NDUFAF6: variants seen among roughly 807,000 people sequenced by gnomAD.
The protein encoded by NDUFAF6 is NADH:ubiquinone oxidoreductase complex assembly factor 6, also known as NADH dehydrogenase (ubiquinone) complex I, assembly factor 6.
A neutral mutation model predicts 40.8 loss-of-function variants in NDUFAF6; 45 were observed. That is an observed-to-expected ratio of 1.10 (90% CI 0.87 to 1.42). NDUFAF6 has a LOEUF of 1.42. Among genes scored for constraint, NDUFAF6 ranks in the 40% most tolerant of loss-of-function variants. NDUFAF6 has a pLI of 0.00. For synonymous variants in NDUFAF6, 185 were observed against 155.9 expected, an observed-to-expected ratio of 1.19 and a Z score of -1.39; for missense variants, 435 against 418.5, an observed-to-expected ratio of 1.04 and a Z score of -0.34.
At chr8:94,903,275 C>G (rs1414297796) in intron 1 of NDUFAF6, among the ~76,000 whole-genome samples, 1 of 152,082 alleles carries the variant, frequency 6.6e-6, no homozygotes, top group Non-Finnish European at 1.5e-5. Context: ...TGGAGGATCA[C>G]TTGAGCCCAG....
rs116102145 is a variant in NDUFAF6 at position 95,032,019 on chromosome 8, A to G, written c.222A>G (p.Leu74=). The change falls in exon 2 of 9, where the codon TTA becomes TTG. Residue 74 remains leucine (L), a synonymous_variant. Transcript: ENST00000396124. ...GGAAACGGGATTATGAAGGTTATTT[A>G]TGCTCCCTGCTGCTCCCTGCAGAAT... ...LLRKRDYEGY[L]CSLLLPAESR... 581 of 1,614,008 alleles carry G rather than the reference A, an allele frequency of 3.6e-4. 6 individuals are homozygous for G. In the African/African-American group the frequency reaches 6.9e-3, roughly 19 times the overall value.
At chr8:95,008,239 A>AT (rs1827084906) in intron 2 of NDUFAF6, among the ~76,000 whole-genome samples, 1 of 152,224 alleles carries the variant, frequency 6.6e-6, no homozygotes, top group South Asian at 2.1e-4. Context: ...ATTTAATAAT[A>AT]TGTAATGAAT....
intron 1 of NDUFAF6, among the ~76,000 whole-genome samples, chr8:94,899,058 GA>G (rs902332096): frequency 6.6e-6 from 1 of 151,352 alleles, no homozygotes; most frequent in African/African-American, 2.4e-5. Flanking sequence ...ATACATAAAG[GA>G]AAAAAAATCT....
intron 1 of NDUFAF6, among the ~76,000 whole-genome samples, chr8:94,904,010 T>G (rs1381292087): frequency 2.6e-5 from 4 of 152,156 alleles, no homozygotes; most frequent in Non-Finnish European, 4.4e-5. Flanking sequence ...TGAGATAACT[T>G]CCAGGCCTTC....
At chr8:94,951,480 ACT>A (rs1190954348) in intron 2 of NDUFAF6, 2 of 152,100 alleles carry the variant, frequency 1.3e-5, no homozygotes, top group African/African-American at 4.8e-5. Context: ...GTGACTCTAA[ACT>A]CTACCAAATA....
At chr8:95,049,560 T>C (rs1378626438) in intron 7 of NDUFAF6, among the ~76,000 whole-genome samples, 1 of 152,222 alleles carries the variant, frequency 6.6e-6, no homozygotes, top group Non-Finnish European at 1.5e-5. Context: ...CTGGTACTTC[T>C]TGTGAACCTT....
At chr8:95,067,283 C>A (rs1437334496) in intron 9 of NDUFAF6, 3 of 151,882 alleles carry the variant, frequency 2.0e-5, no homozygotes, top group African/African-American at 7.3e-5. Flanking sequence ...CAGCTCAGGG[C>A]AGGCATTTTT....
intron 1 of NDUFAF6, among the ~76,000 whole-genome samples, chr8:94,909,940 G>C (rs1431839357): frequency 6.6e-6 from 1 of 151,952 alleles, no homozygotes; most frequent in Non-Finnish European, 1.5e-5. Context: ...GAGAGACCAA[G>C]TTGCCCTCTG....
At chr8:95,000,022 C>T (rs1185778901) in intron 2 of NDUFAF6, among the ~76,000 whole-genome samples, 2 of 150,844 alleles carry the variant, frequency 1.3e-5, no homozygotes, top group Non-Finnish European at 2.9e-5. Context: ...TCAGCCTGGA[C>T]AACATAGTGA....
chr8:94,966,853 C>T (rs1824051159), intron 1 of NDUFAF6, among the ~76,000 whole-genome samples: 1 of 152,160 alleles, frequency 6.6e-6, no homozygotes, highest in Admixed American at 6.6e-5. Flanking sequence ...AAGGTGTCTG[C>T]CAGCCAAGTG....
intron 2 of NDUFAF6, among the ~76,000 whole-genome samples, chr8:94,990,148 G>T (rs1442125675): frequency 1.3e-5 from 2 of 152,220 alleles, no homozygotes; most frequent in African/African-American, 4.8e-5. Flanking sequence ...TTAAGGCTTG[G>T]TCTAGTCATG....
chr8:95,102,002 T>A (rs1235104558), intron 2 of NDUFAF6, among the ~76,000 whole-genome samples: 1 of 152,168 alleles, frequency 6.6e-6, no homozygotes, highest in Non-Finnish European at 1.5e-5. Context: ...AGTATTTTTT[T>A]TTTTTTATTT....
intron 1 of NDUFAF6, among the ~76,000 whole-genome samples, chr8:94,908,418 G>A (rs1040492010): frequency 3.3e-5 from 5 of 152,196 alleles, no homozygotes; most frequent in African/African-American, 1.2e-4. Context: ...TGCCCATGCT[G>A]GAGTACAGTT....
intron 2 of NDUFAF6, chr8:94,949,142 C>CCG (rs1822315331): frequency 6.7e-6 from 1 of 149,524 alleles, no homozygotes; most frequent in African/African-American, 2.4e-5. Context: ...CCCGCCCCCC[C>CCG]CCGGCACTTA....
At chr8:94,925,667 G>T (rs1198384360) in intron 1 of NDUFAF6, among the ~76,000 whole-genome samples, 2 of 150,310 alleles carry the variant, frequency 1.3e-5, no homozygotes, top group African/African-American at 4.9e-5. Flanking sequence ...AGCCTCCCAA[G>T]TAGCTGAAAC....
At chr8:94,900,384 C>T (rs1323586055) in intron 1 of NDUFAF6, among the ~76,000 whole-genome samples, 1 of 152,110 alleles carries the variant, frequency 6.6e-6, no homozygotes, top group East Asian at 1.9e-4. Flanking sequence ...TGCTCCTGAG[C>T]TCTGAGGACA....
chr8:94,914,869 A>G (rs960835781), intron 1 of NDUFAF6, among the ~76,000 whole-genome samples: 1 of 152,060 alleles, frequency 6.6e-6, no homozygotes, highest in East Asian at 1.9e-4. Context: ...GTGGAACCAC[A>G]TATACATAGA....
chr8:94,935,128 T>TAGATATAGATAG (rs1554630991), intron 1 of NDUFAF6, among the ~76,000 whole-genome samples: 1 of 144,640 alleles, frequency 6.9e-6, no homozygotes, highest in Admixed American at 7.0e-5. Flanking sequence ...GGTAGATAGA[T>TAGATATAGATAG]ATAGATAGAT....
intron 1 of NDUFAF6, among the ~76,000 whole-genome samples, chr8:94,976,822 C>A (rs181828152): frequency 1.3e-5 from 2 of 152,034 alleles, no homozygotes; most frequent in Non-Finnish European, 2.9e-5. Context: ...CACAACAATG[C>A]GAATGTACTT....
Sources: gnomAD v4.1 joint callset for allele counts (sites outside exome capture counted in the v4.1 genomes callset) on GRCh38, gnomAD v4.1.1 for gene constraint, MANE v1.5 for transcripts, NCBI Gene and HGNC (gene_info 2026-07-23, HGNC 2026-07-21) for gene names.